ABLIM2: variants seen among roughly 807,000 people sequenced by gnomAD.
ABLIM2 encodes the protein actin binding LIM protein family member 2.
Under a neutral mutation model 97.7 loss-of-function variants are expected in ABLIM2, and 53 were observed. That is an observed-to-expected ratio of 0.54 (90% confidence interval 0.44 to 0.68). The LOEUF (loss-of-function observed/expected upper bound fraction) is 0.68, where lower values mean the gene tolerates loss of function less well. ABLIM2 is among the 30% of genes least tolerant of loss of function. The probability of loss-of-function intolerance (pLI) is 0.00; values close to 1 mark genes in which losing one functional copy is unlikely to be tolerated. For synonymous variants in ABLIM2, 361 were observed against 345.8 expected, an observed-to-expected ratio of 1.04 and a Z score of -0.49; for missense variants, 835 against 867.2, an observed-to-expected ratio of 0.96 and a Z score of 0.47.
rs1158760356 is a variant in ABLIM2 at position 8,021,210 on chromosome 4, C to A, written c.1268-907G>T. Among the ~76,000 whole-genome samples the A allele has an allele frequency of 6.6e-6, 1 of 152,098 alleles. No homozygotes were observed. The highest frequency in any genetic ancestry group is 1.5e-5 in the Non-Finnish European group (1 of 68,024). On this transcript the variant is annotated intron_variant, in intron 12 of 20. Transcript: ENST00000447017. This position sits in a 1 kb window ranked among gnomAD's most constrained non-coding sequence, Gnocchi z 5.5. The stretch of plus-strand genomic sequence containing the variant: ...AAATTAAATGGAAAGCATCCTCTGA[C>A]CCTGCTTCAATTGCTGAGCTCACCT...
intron 1 of ABLIM2, among the ~76,000 whole-genome samples, chr4:8,109,520 G>T (rs999676061): frequency 1.3e-5 from 2 of 152,156 alleles, no homozygotes; most frequent in Non-Finnish European, 2.9e-5. Context: ...GTTCCAACCT[G>T]CCCCTAAGCG....
rs1463780303 is a variant in ABLIM2, at chr4:7,996,622, G to T, written c.1619-3695C>A. The stretch of plus-strand genomic sequence containing the variant: ...GAATATGATTCTTTCCAAGAAGAGG[G>T]CTATTATGTTTTGTCCCCGGTTTTA... On this transcript the variant is annotated intron_variant, in intron 16 of 20. Transcript: ENST00000447017. The surrounding 1 kb of genome is among the most constrained non-coding windows in gnomAD (Gnocchi z 4.5). 6.6e-6 allele frequency among the ~76,000 whole-genome samples: 1 copy of T among 152,210 alleles called. No individual in the cohort carries two copies. The highest frequency in any genetic ancestry group is 1.9e-4 in the East Asian group (1 of 5,194).
At chr4:8,006,881 G>T (rs539364680) in intron 16 of ABLIM2, 13 of 377,632 alleles carry the variant, frequency 3.4e-5, no homozygotes, top group East Asian at 1.6e-4. Flanking sequence ...TTTTGCAGGG[G>T]GGGGGTGGCT....
At chr4:8,143,120 C>A (rs1243660845) in intron 1 of ABLIM2, among the ~76,000 whole-genome samples, 1 of 140,114 alleles carries the variant, frequency 7.1e-6, no homozygotes, top group African/African-American at 2.7e-5. Context: ...AAAAGGGTGT[C>A]AGTGTCAACA....
chr4:8,141,685 G>A (rs1477935183), intron 1 of ABLIM2, among the ~76,000 whole-genome samples: 1 of 152,156 alleles, frequency 6.6e-6, no homozygotes, highest in African/African-American at 2.4e-5. Flanking sequence ...TCTGCTCCTA[G>A]TATCAGCCAG....
At position 8,008,077 on chromosome 4, in the gene ABLIM2, C is replaced by T; in HGVS notation, c.1600G>A (p.Gly534Arg). 6.2e-7 allele frequency: 1 copy of T among 1,614,032 alleles called. No individual in the cohort carries two copies. Among genetic ancestry groups the T allele is most frequent in the Non-Finnish European group, 8.5e-7 (1 of 1,179,890 alleles). Residue 534 changes from glycine to arginine, a missense_variant, in exon 16 of 21, where the codon GGG becomes AGG. Gly to Arg is a moderately radical substitution (Grantham distance 125). Coordinates refer to ENST00000447017, the MANE Select transcript of ABLIM2 (RefSeq NM_001130083.2). ...CACTCACGTGAGTGAAAGCTGTCCC[C>T]TGCCATCCTTTGGAGAGGGTCTCTG... ...TDRDPLQRMA[G>R]DSFHSRFPYS...
chr4:7,984,103 C>T (rs7686574), intron 18 of ABLIM2, among the ~76,000 whole-genome samples: 10,468 of 148,734 alleles, frequency 0.07, 373 homozygotes, highest in Non-Finnish European at 0.08. Context: ...AGGGCCTCCA[C>T]GCACACAGAA....
Position 8,071,879 on chromosome 4 carries a change from G to A in ABLIM2, c.675+5749C>T, listed in dbSNP as rs1812450548. On this transcript the variant is annotated intron_variant, in intron 6 of 20. Coordinates refer to ENST00000447017, the MANE Select transcript of ABLIM2 (RefSeq NM_001130083.2). The surrounding 1 kb of genome is among the most constrained non-coding windows in gnomAD (Gnocchi z 6.2). ...CACCCTCACCTTCAGCCAACAGTCTGTCACCTGCTCCTGCTGCGCCCTGGG... is the reference window on the plus strand; with the variant it reads ...CACCCTCACCTTCAGCCAACAGTCTATCACCTGCTCCTGCTGCGCCCTGGG... 1 of 985,494 alleles carries A rather than the reference G, an allele frequency of 1.0e-6. No individual in the cohort carries two copies. Among genetic ancestry groups the A allele is most frequent in the Non-Finnish European group, 1.2e-6 (1 of 829,990 alleles). 61.0% of individuals were successfully genotyped at this position (985,494 alleles called of 1,614,324 possible).
chr4:8,088,254 G>T lies in ABLIM2; in HGVS notation c.369C>A (p.Thr123=), dbSNP rs890948215. 39 of 1,613,014 alleles carry T rather than the reference G, an allele frequency of 2.4e-5. No individual in the cohort carries two copies. Among genetic ancestry groups the T allele is most frequent in the Non-Finnish European group, 3.3e-5 (39 of 1,179,598 alleles). Residue 123 remains threonine, a synonymous_variant, in exon 4 of 21, where the codon ACC becomes ACA. Coordinates refer to ENST00000447017, the MANE Select transcript of ABLIM2 (RefSeq NM_001130083.2). Reference sequence around the variant, plus strand: ...GGCACATGCATTCCTTCCCGTTGAAGGTCACTCGGTCCCCGGGGGGGAAGG... The same window carrying T: ...GGCACATGCATTCCTTCCCGTTGAATGTCACTCGGTCCCCGGGGGGGAAGG... ...RLPFPPGDRV[T]FNGKECMCQK...
At chr4:7,967,747 C>G (rs1560287858) in intron 20 of ABLIM2, among the ~76,000 whole-genome samples, 1 of 152,084 alleles carries the variant, frequency 6.6e-6, no homozygotes, top group Non-Finnish European at 1.5e-5. Context: ...TTCTGGGATG[C>G]CATAGGAGTG....
intron 1 of ABLIM2, among the ~76,000 whole-genome samples, chr4:8,144,124 G>C (rs1253601902): frequency 6.6e-6 from 1 of 152,220 alleles, no homozygotes; most frequent in South Asian, 2.1e-4. Flanking sequence ...GGCATCTCCT[G>C]CTGGGCCACA....
Position 7,983,316 on chromosome 4 carries a change from G to GT in ABLIM2, c.1771dup (p.Thr591AsnfsTer38). 6.2e-7 allele frequency: 1 copy of GT among 1,612,642 alleles called. No individual in the cohort carries two copies. The highest frequency in any genetic ancestry group is 8.5e-7 in the Non-Finnish European group (1 of 1,179,558). The stretch of plus-strand genomic sequence containing the variant: ...GGGCAGTTTCACGCGAATTCGGTTT[G>GT]TGACGATGAGGGAGTCATACGGATA... On this transcript the variant is annotated frameshift_variant, in exon 20 of 21. Transcript: ENST00000447017. LOFTEE classifies it high-confidence loss of function.
At position 8,125,156 on chromosome 4, in the gene ABLIM2, T is replaced by C. The variant is rs1211376503; in HGVS notation, c.11-18519A>G. ...TTGCTAATTTGCAAATATTTTCTCCTATTTTGTGAGTTGTGTTTTCACTTT... is the reference window on the plus strand; with the variant it reads ...TTGCTAATTTGCAAATATTTTCTCCCATTTTGTGAGTTGTGTTTTCACTTT... On this transcript the variant is annotated intron_variant, in intron 1 of 20. Coordinates refer to ENST00000447017, the MANE Select transcript of ABLIM2 (RefSeq NM_001130083.2). This position sits in a 1 kb window ranked among gnomAD's most constrained non-coding sequence, Gnocchi z 6.2. 6.6e-6 allele frequency among the ~76,000 whole-genome samples: 1 copy of C among 152,210 alleles called. No individual in the cohort carries two copies. The highest frequency in any genetic ancestry group is 1.5e-5 in the Non-Finnish European group (1 of 68,034).
chr4:8,078,477 C>T (rs1817731864), intron 5 of ABLIM2, among the ~76,000 whole-genome samples: 1 of 152,234 alleles, frequency 6.6e-6, no homozygotes, highest in Admixed American at 6.5e-5. Flanking sequence ...CAGAGAAAAG[C>T]CGTCTGCGGG....
rs777348262 is a variant in ABLIM2 at position 7,967,042 on chromosome 4, C to A, written c.1886G>T (p.Arg629Leu). The A allele has an allele frequency of 2.0e-5, 32 of 1,613,750 alleles. No homozygotes were observed. The highest frequency in any genetic ancestry group is 2.5e-5 in the Non-Finnish European group (30 of 1,179,974). ...GTCATTCCTCTTCCAGAGGGCCAGG[C>A]GGTCAAACTCCTCGATGCTCATCCC... ...VFGMSIEEFD[R>L]LALWKRNDLK... The change falls in exon 21 of 21, where the codon CGC (arginine) becomes CTC (leucine). Residue 629 changes from arginine (R) to leucine (L), a missense_variant. Arg to Leu is a moderately radical substitution (Grantham distance 102, BLOSUM62 -2). Transcript: ENST00000447017.
In ABLIM2 at chr4:8,023,184, C is replaced by T; in HGVS notation, c.1268-2881G>A. On this transcript the variant is annotated intron_variant, in intron 12 of 20. Transcript: ENST00000447017. This position sits in a 1 kb window ranked among gnomAD's most constrained non-coding sequence, Gnocchi z 5.7. ...CCCTCCCGGCCCGCGTCCCTGCCGT[C>T]CCCTCTCCCATCACTAGGGTGCCCA... The T allele has an allele frequency of 6.6e-6, 1 of 152,570 alleles. No homozygotes were observed. Among genetic ancestry groups the T allele is most frequent in the Middle Eastern group, 3.3e-3 (1 of 300 alleles). 9.5% of individuals were successfully genotyped at this position (152,570 alleles called of 1,614,324 possible). A position where few individuals can be genotyped will look rare whatever the true frequency, so the allele number is the denominator to read the frequency against.
intron 7 of ABLIM2, among the ~76,000 whole-genome samples, chr4:8,055,684 T>C (rs1359554064): frequency 6.6e-6 from 1 of 152,210 alleles, no homozygotes; most frequent in African/African-American, 2.4e-5. Flanking sequence ...CTCTGGGTCA[T>C]GTGGATTTCA....
intron 3 of ABLIM2, among the ~76,000 whole-genome samples, chr4:8,094,305 C>T (rs1319275359): frequency 6.6e-6 from 1 of 152,158 alleles, no homozygotes; most frequent in Admixed American, 6.5e-5. Context: ...CCTATTGCTG[C>T]AGCAGGACAA....
intron 6 of ABLIM2, chr4:8,066,425 GGA>G (rs1491139216): frequency 2.7e-4 from 38 of 143,092 alleles, no homozygotes; most frequent in African/African-American, 7.9e-4. Flanking sequence ...AAGGAAGGAA[GGA>G]AGGGAGGGGT....
Sources: gnomAD v4.1 joint callset for allele counts (sites outside exome capture counted in the v4.1 genomes callset) on GRCh38, gnomAD v4.1.1 for gene constraint, Gnocchi (gnomAD v3.1) non-coding constraint, MANE v1.5 for transcripts, NCBI Gene and HGNC (gene_info 2026-07-23, HGNC 2026-07-21) for gene names.